Variants in ARHGAP17 observed in about 807,000 individuals in gnomAD.
ARHGAP17 encodes Rho GTPase activating protein 17.
Under a neutral mutation model 99.5 loss-of-function variants are expected in ARHGAP17, and 57 were observed. The observed-to-expected ratio is 0.57, with a 90% CI of 0.46 to 0.71. ARHGAP17 has a LOEUF of 0.71. Ranked by LOEUF, ARHGAP17 falls within the 30% of genes least tolerant of loss-of-function variation. The pLI, the probability that ARHGAP17 is intolerant of heterozygous loss-of-function variation, is 0.00. For synonymous variants in ARHGAP17, 417 were observed against 429.6 expected (o/e 0.97, Z 0.36); for missense variants, 1,000 against 1,122.4 (o/e 0.89, Z 1.56).
intron 14 of ARHGAP17, among the ~76,000 whole-genome samples, chr16:24,944,099 C>T (rs1267672496): frequency 3.3e-5 from 5 of 151,742 alleles, no homozygotes; most frequent in Non-Finnish European, 7.4e-5. Context: ...GGTGAAACCC[C>T]GTCTGTACTA....
chr16:24,975,483 C>T (rs11074662), intron 3 of ARHGAP17, among the ~76,000 whole-genome samples: 3,560 of 152,220 alleles, frequency 0.023, 120 homozygotes, highest in African/African-American at 0.079. Flanking sequence ...GGAAGCAGAA[C>T]CAGTAGGCTG....
intron 3 of ARHGAP17, among the ~76,000 whole-genome samples, chr16:24,975,485 A>G (rs887491398): frequency 6.6e-6 from 1 of 152,210 alleles, no homozygotes; most frequent in Non-Finnish European, 1.5e-5. Context: ...AAGCAGAACC[A>G]GTAGGCTGGG....
At chr16:24,952,006 G>A (rs968081702) in intron 12 of ARHGAP17, among the ~76,000 whole-genome samples, 3 of 152,132 alleles carry the variant, frequency 2.0e-5, no homozygotes, top group African/African-American at 4.8e-5. Flanking sequence ...TCAACATAAA[G>A]GGGGCTGGAA....
At chr16:24,929,719 C>G in intron 19 of ARHGAP17, 1 of 928,860 alleles carries the variant, frequency 1.1e-6, no homozygotes. Flanking sequence ...AATAAAAGCT[C>G]TGATGGCATC....
chr16:24,923,191 C>T (rs1461421646), intron 19 of ARHGAP17, among the ~76,000 whole-genome samples: 4 of 152,236 alleles, frequency 2.6e-5, no homozygotes, highest in East Asian at 3.8e-4. Context: ...TCTGGCTCTT[C>T]GCATTACATT....
intron 2 of ARHGAP17, 64 bp downstream of exon 2, chr16:24,978,902 T>C (rs2052594911): frequency 6.3e-6 from 8 of 1,266,708 alleles, no homozygotes; most frequent in African/African-American, 4.7e-5. Context: ...AGGCCTCAAT[T>C]CTCACATAGG....
intron 1 of ARHGAP17, among the ~76,000 whole-genome samples, chr16:25,010,832 A>G (rs987966429): frequency 3.3e-5 from 5 of 152,258 alleles, no homozygotes; most frequent in Non-Finnish European, 1.5e-5. Flanking sequence ...CATGGCCCAA[A>G]GCACTGATTC....
At chr16:24,939,215 C>A in intron 17 of ARHGAP17, 149 bp downstream of exon 17, 1 of 691,832 alleles carries the variant, frequency 1.4e-6, no homozygotes. Context: ...TCTTTTTTTC[C>A]ATCTTTTGCC....
At position 25,015,217 on chromosome 16, in the gene ARHGAP17, G is replaced by T. The variant is rs1380554334; in HGVS notation, c.45C>A (p.Thr15=). Residue 15 remains threonine, a synonymous_variant, in exon 1 of 20, where the codon ACC becomes ACA. Coordinates refer to ENST00000289968, the MANE Select transcript of ARHGAP17 (RefSeq NM_001006634.3). The part of the protein sequence containing the change: ...FNRMKQLANQ[T]VGRAEKTEVL... ...CTGCCCGGCGCACTCGCCTGCCCAC[G>T]GTCTGGTTAGCCAGCTGCTTCATGC... 1 of 1,341,284 alleles carries T rather than the reference G, an allele frequency of 7.5e-7. No individual in the cohort carries two copies. 83.1% of individuals were successfully genotyped at this position (1,341,284 alleles called of 1,614,324 possible).
rs145102147 is a variant in ARHGAP17, at chr16:24,961,654, C to T, written c.574-1675G>A. Among the ~76,000 whole-genome samples, 275 of 150,580 alleles carry T rather than the reference C, an allele frequency of 1.8e-3. 2 individuals are homozygous for T. The highest frequency in any genetic ancestry group is 2.3e-3 in the Non-Finnish European group (158 of 67,750). On this transcript the variant is annotated intron_variant, in intron 7 of 19. Transcript: ENST00000289968. ...CAAGCGATTCTCCTGCCTCAGCCTC[C>T]TGAGTAGCTGGGACTACAGGTGCAT...
At chr16:24,923,298 GT>G in intron 19 of ARHGAP17, among the ~76,000 whole-genome samples, 2 of 152,268 alleles carry the variant, frequency 1.3e-5, no homozygotes, top group East Asian at 3.9e-4. Flanking sequence ...ACTCTGGTTT[GT>G]TGTAAAAAGG....
intron 19 of ARHGAP17, chr16:24,927,660 G>T (rs2050877028): frequency 1.7e-6 from 2 of 1,165,172 alleles, no homozygotes; most frequent in South Asian, 3.2e-5. Context: ...AAATGCATTG[G>T]CCAATCAGGT....
intron 1 of ARHGAP17, among the ~76,000 whole-genome samples, 165 bp downstream of exon 1, chr16:25,015,044 G>C (rs1479521276): frequency 6.6e-6 from 1 of 151,298 alleles, no homozygotes; most frequent in Non-Finnish European, 1.5e-5. Context: ...CGCGGCGCTC[G>C]GGCCTCAGCG....
At chr16:24,950,269 T>C (rs2051596161) in intron 12 of ARHGAP17, among the ~76,000 whole-genome samples, 1 of 152,256 alleles carries the variant, frequency 6.6e-6, no homozygotes, top group Admixed American at 6.5e-5. Flanking sequence ...TACCAACAGA[T>C]AGACGCCTTC....
chr16:24,940,924 G>T (rs1229786940), intron 16 of ARHGAP17, among the ~76,000 whole-genome samples: 4 of 152,216 alleles, frequency 2.6e-5, no homozygotes, highest in Non-Finnish European at 5.9e-5. Flanking sequence ...AGGTAACTGA[G>T]AATTGTCTGT....
intron 1 of ARHGAP17, among the ~76,000 whole-genome samples, chr16:25,003,921 G>A (rs2053440381): frequency 6.6e-6 from 1 of 152,002 alleles, no homozygotes; most frequent in Non-Finnish European, 1.5e-5. Flanking sequence ...CTTAACAAAT[G>A]GATCAGAAAA....
At position 24,970,597 on chromosome 16, in the gene ARHGAP17, AGT is replaced by A; in HGVS notation, c.199-19_199-18del. On this transcript the variant is annotated intron_variant, in intron 3 of 19. Transcript: ENST00000289968. ...CAGTTTTTTCTGGAAGATAGAAGACAGTGTGTGTTTTTCTCATTATTTGATAC... is the reference window on the plus strand; with the variant it reads ...CAGTTTTTTCTGGAAGATAGAAGACAGTGTGTTTTTCTCATTATTTGATAC... The A allele has an allele frequency of 1.9e-6, 3 of 1,606,784 alleles. No individual in the cohort carries two copies. The highest frequency in any genetic ancestry group is 1.1e-5 in the South Asian group (1 of 90,928).
At chr16:24,989,148 C>CA (rs1250627525) in intron 1 of ARHGAP17, among the ~76,000 whole-genome samples, 1 of 152,160 alleles carries the variant, frequency 6.6e-6, no homozygotes, top group Non-Finnish European at 1.5e-5. Flanking sequence ...CCAGGCCACA[C>CA]AATGTCAGGG....
At chr16:25,013,877 T>C (rs1365822076) in intron 1 of ARHGAP17, 2 of 152,238 alleles carry the variant, frequency 1.3e-5, no homozygotes, top group Non-Finnish European at 2.9e-5. Flanking sequence ...AATTATCATG[T>C]GCTTGTAAAC....
Sources: allele counts gnomAD v4.1 joint callset (sites outside exome capture counted in the v4.1 genomes callset), GRCh38; gene constraint gnomAD v4.1.1; transcripts MANE v1.5; gene names NCBI Gene and HGNC (gene_info 2026-07-23, HGNC 2026-07-21).